Variants in RTN3 observed in about 807,000 individuals in gnomAD.
RTN3 encodes reticulon-3.
In RTN3, 49 loss-of-function variants were observed where a neutral mutation model predicts 77.8. The observed-to-expected ratio is 0.63, with a 90% CI of 0.50 to 0.80. The LOEUF (loss-of-function observed/expected upper bound fraction) is 0.80, where lower values mean the gene tolerates loss of function less well. Ranked by LOEUF, RTN3 falls within the 30% of genes least tolerant of loss-of-function variation. The pLI, the probability that RTN3 is intolerant of heterozygous loss-of-function variation, is 0.00. For missense variants in RTN3, 1,236 were observed against 1,211.9 expected (o/e 1.02, Z -0.29); for synonymous variants, 464 against 446.9 (o/e 1.04, Z -0.48).
At chr11:63,728,546 A>G (rs1447188366) in intron 3 of RTN3, among the ~76,000 whole-genome samples, 2 of 152,132 alleles carry the variant, frequency 1.3e-5, no homozygotes, top group South Asian at 2.1e-4. Context: ...TATACAGTGT[A>G]TCGTAGTCAA....
At chr11:63,710,634 C>T (rs1343111544) in intron 2 of RTN3, among the ~76,000 whole-genome samples, 1 of 152,126 alleles carries the variant, frequency 6.6e-6, no homozygotes, top group Admixed American at 6.6e-5. Context: ...AGTGGCTCCT[C>T]CTGTGGGATT....
At chr11:63,739,526 C>T (rs1433468383) in intron 3 of RTN3, among the ~76,000 whole-genome samples, 2 of 152,198 alleles carry the variant, frequency 1.3e-5, no homozygotes, top group Non-Finnish European at 2.9e-5. Context: ...ACACATAGCA[C>T]ACCCAAAGAA....
chr11:63,731,134 G>A (rs535877992), intron 3 of RTN3, among the ~76,000 whole-genome samples: 1 of 152,124 alleles, frequency 6.6e-6, no homozygotes, highest in Middle Eastern at 3.4e-3. Flanking sequence ...AGGCTGGAGT[G>A]CAGTGGTGTG....
chr11:63,753,293 G>A (rs1260007273), intron 6 of RTN3, among the ~76,000 whole-genome samples, 155 bp downstream of exon 6: 6 of 152,212 alleles, frequency 3.9e-5, no homozygotes, highest in Non-Finnish European at 8.8e-5. Context: ...CGGAGTTTGT[G>A]GTCACAGGTT....
At chr11:63,709,557 A>C (rs1942648843) in intron 2 of RTN3, among the ~76,000 whole-genome samples, 1 of 152,040 alleles carries the variant, frequency 6.6e-6, no homozygotes. Context: ...TGAGGAAAAA[A>C]TAAATTTGCC....
intron 3 of RTN3, among the ~76,000 whole-genome samples, chr11:63,748,711 AGACTG>A (rs1419060441): frequency 1.5e-5 from 2 of 133,606 alleles, no homozygotes; most frequent in Non-Finnish European, 3.1e-5. Flanking sequence ...TCTGTCACCC[AGACTG>A]GAATGCAATG....
chr11:63,694,580 C>T (rs916073632), intron 1 of RTN3, among the ~76,000 whole-genome samples: 15 of 152,158 alleles, frequency 9.9e-5, no homozygotes, highest in Admixed American at 7.2e-4. Context: ...TCAAGCCGTC[C>T]TCCCACCTCA....
intron 3 of RTN3, among the ~76,000 whole-genome samples, chr11:63,722,579 C>T (rs1238315408): frequency 6.6e-6 from 1 of 152,084 alleles, no homozygotes; most frequent in Non-Finnish European, 1.5e-5. Context: ...TGAATTATTT[C>T]ACTAACAATT....
chr11:63,694,483 T>A (rs1262676753), intron 1 of RTN3, among the ~76,000 whole-genome samples: 1 of 151,112 alleles, frequency 6.6e-6, no homozygotes, highest in Non-Finnish European at 1.5e-5. Flanking sequence ...GCCTTTTAAT[T>A]TACTTTTAAG....
intron 3 of RTN3, among the ~76,000 whole-genome samples, chr11:63,727,552 A>G (rs1336581842): frequency 6.6e-6 from 1 of 152,246 alleles, no homozygotes; most frequent in African/African-American, 2.4e-5. Flanking sequence ...TGACCTTAAC[A>G]GCAAAATGGA....
At chr11:63,755,528 G>A (rs552168331) in intron 7 of RTN3, among the ~76,000 whole-genome samples, 7 of 151,606 alleles carry the variant, frequency 4.6e-5, no homozygotes, top group Non-Finnish European at 1.0e-4. Flanking sequence ...GCGCATGCCT[G>A]TAATCCCAGC....
intron 3 of RTN3, among the ~76,000 whole-genome samples, chr11:63,742,522 G>A (rs1590875743): frequency 6.6e-6 from 1 of 151,952 alleles, no homozygotes; most frequent in South Asian, 2.1e-4. Flanking sequence ...GCACACGCCT[G>A]TAATCCCAGC....
At chr11:63,709,938 G>T (rs1056523549) in intron 2 of RTN3, among the ~76,000 whole-genome samples, 2 of 152,124 alleles carry the variant, frequency 1.3e-5, no homozygotes, top group African/African-American at 2.4e-5. Context: ...AGGTGAGCAG[G>T]TAATTAATCA....
intron 3 of RTN3, among the ~76,000 whole-genome samples, chr11:63,725,448 T>C (rs1166443009): frequency 6.6e-6 from 1 of 151,846 alleles, no homozygotes; most frequent in African/African-American, 2.4e-5. Flanking sequence ...TTTTTTCCTT[T>C]TTCTTTTTCT....
chr11:63,698,076 AC>A (rs1373358137), intron 1 of RTN3, among the ~76,000 whole-genome samples: 1 of 148,568 alleles, frequency 6.7e-6, no homozygotes, highest in African/African-American at 2.5e-5. Flanking sequence ...CTCCCCCTCT[AC>A]CACTCTCATT....
At chr11:63,741,983 G>GTTTT (rs752536035) in intron 3 of RTN3, among the ~76,000 whole-genome samples, 1 of 140,022 alleles carries the variant, frequency 7.1e-6, no homozygotes, top group African/African-American at 2.6e-5. Flanking sequence ...GCTCTTCTAG[G>GTTTT]TTTTTTTTTT....
At chr11:63,735,550 T>TTCTTTCTCTCTCTCTCTC (rs2013034542) in intron 3 of RTN3, among the ~76,000 whole-genome samples, 1 of 42,686 alleles carries the variant, frequency 2.3e-5, no homozygotes, top group African/African-American at 9.0e-5. Flanking sequence ...ATTCTAACAT[T>TTCTTTCTCTCTCTCTCTC]TCTCTCTCTC....
Position 63,681,710 on chromosome 11 carries a change from C to G in RTN3, c.74C>G (p.Pro25Arg), listed in dbSNP as rs777965681. The G allele has an allele frequency of 1.2e-6, 2 of 1,610,360 alleles. No homozygotes were observed. The highest frequency in any genetic ancestry group is 1.1e-5 in the South Asian group (1 of 90,900). The change falls in exon 1 of 9, where the codon CCC becomes CGC. Residue 25 changes from proline to arginine, a missense_variant. Pro to Arg is a moderately radical substitution (Grantham distance 103). Transcript: ENST00000377819. ...TCCTTCGGAGCCGAGCCGTCCGCGC[C>G]CGGCGGCGGCGGGAGCCCAGGAGCC... Reference protein sequence around the residue: ...SSSFGAEPSAPGGGGSPGACP... With the variant: ...SSSFGAEPSARGGGGSPGACP...
At position 63,728,685 on chromosome 11, in the gene RTN3, C is replaced by T. The variant is rs112748061; in HGVS notation, c.2530+7653C>T. On this transcript the variant is annotated intron_variant, in intron 3 of 8. Coordinates refer to ENST00000377819, the MANE Select transcript of RTN3 (RefSeq NM_001265589.2). Reference sequence around the variant, plus strand: ...CAGGTGGGTCACAAGGTCAGGAGTTCGAGACCAGCCTGACCAACATGGTAA... The same window carrying T: ...CAGGTGGGTCACAAGGTCAGGAGTTTGAGACCAGCCTGACCAACATGGTAA... 2.6e-3 allele frequency among the ~76,000 whole-genome samples: 389 copies of T among 152,096 alleles called. 4 individuals are homozygous for T. Among genetic ancestry groups the T allele is most frequent in the African/African-American group, 8.1e-3 (336 of 41,512 alleles).
Sources: gnomAD v4.1 joint callset for allele counts (sites outside exome capture counted in the v4.1 genomes callset) on GRCh38, gnomAD v4.1.1 for gene constraint, MANE v1.5 for transcripts, NCBI Gene and HGNC (gene_info 2026-07-23, HGNC 2026-07-21) for gene names.